The following SP4 variants were observed in gnomAD, a reference collection of about 807,000 sequenced individuals.
The protein encoded by SP4 is transcription factor Sp4.
Under a neutral mutation model 72.8 loss-of-function variants are expected in SP4, and 19 were observed. That is an observed-to-expected ratio of 0.26 (90% CI 0.18 to 0.38). The LOEUF (loss-of-function observed/expected upper bound fraction) is 0.38. Ranked by LOEUF, SP4 falls within the 10% of genes least tolerant of loss-of-function variation. The pLI is 1.00. For synonymous variants in SP4, 395 were observed against 333.1 expected (o/e 1.19, Z -2.02); for missense variants, 1,008 against 926.3 (o/e 1.09, Z -1.14).
intron 3 of SP4, among the ~76,000 whole-genome samples, chr7:21,471,711 G>C (rs541736826): frequency 3.3e-5 from 5 of 152,184 alleles, no homozygotes; most frequent in African/African-American, 7.2e-5. Flanking sequence ...GCATGCATCT[G>C]TAGTCCCAAC....
At chr7:21,504,551 T>A (rs1781947262) in intron 5 of SP4, among the ~76,000 whole-genome samples, 1 of 152,156 alleles carries the variant, frequency 6.6e-6, no homozygotes, top group Non-Finnish European at 1.5e-5. Context: ...TAGTGGAGCT[T>A]CCCTAAGGTT....
In SP4 at chr7:21,430,142, C is replaced by A; in HGVS notation, c.977C>A (p.Thr326Asn). 6.2e-7 allele frequency: 1 copy of A among 1,614,222 alleles called. No individual in the cohort carries two copies. Among genetic ancestry groups the A allele is most frequent in the South Asian group, 1.1e-5 (1 of 91,088 alleles). Reference protein sequence around the residue: ...ESPSSSTTCTTTASTSLTSSD... With the variant: ...ESPSSSTTCTNTASTSLTSSD... The stretch of plus-strand genomic sequence containing the variant: ...CCCTCCTCCTCCACTACCTGCACAA[C>A]CACTGCTTCAACGTCTTTGACAAGC... Residue 326 changes from threonine (T) to asparagine (N), a missense_variant, in exon 3 of 6, where the codon ACC becomes AAC. This residue lies in a region of SP4 where 893 missense variants were observed against 743.3 expected (regional missense o/e 1.20). Transcript: ENST00000222584.
intron 3 of SP4, among the ~76,000 whole-genome samples, chr7:21,431,283 C>CT (rs1374299457): frequency 1.3e-5 from 2 of 151,884 alleles, no homozygotes; most frequent in Non-Finnish European, 2.9e-5. Flanking sequence ...ATAAGGCTAA[C>CT]TTTTTTTTAG....
chr7:21,499,916 A>T (rs1562627765), intron 5 of SP4, among the ~76,000 whole-genome samples: 1 of 152,200 alleles, frequency 6.6e-6, no homozygotes, highest in African/African-American at 2.4e-5. Flanking sequence ...TGCTTCAGAT[A>T]CAGAAAGCTT....
chr7:21,430,297 C>T lies in SP4; in HGVS notation c.1132C>T (p.Leu378Phe), dbSNP rs563979214. ...GTCTGAAGCCCAGAGCTCCAGTCAG[C>T]TTCAGCCTAATGGAATGCAGAATGC... is the stretch of plus-strand genomic sequence containing the variant. ...TESEAQSSSQ[L>F]QPNGMQNAQD... The change falls in exon 3 of 6, where the codon CTT (leucine) becomes TTT (phenylalanine). Residue 378 changes from leucine (L) to phenylalanine (F), a missense_variant. By Grantham distance (22) the Leu-to-Phe change is conservative. Around this residue, in one of 3 missense-constraint regions of SP4, gnomAD observed 893 missense variants for 743.3 expected, o/e 1.20. Coordinates refer to ENST00000222584, the MANE Select transcript of SP4 (RefSeq NM_003112.5). 18 of 1,614,130 alleles carry T rather than the reference C, an allele frequency of 1.1e-5. No homozygotes were observed. The highest frequency in any genetic ancestry group is 1.6e-4 in the Middle Eastern group (1 of 6,084).
chr7:21,432,036 TC>T (rs1782875738), intron 3 of SP4, among the ~76,000 whole-genome samples: 2 of 152,238 alleles, frequency 1.3e-5, no homozygotes, highest in African/African-American at 2.4e-5. Flanking sequence ...GCCAGCGCTA[TC>T]CAGCAGAACT....
At chr7:21,439,202 G>C (rs1783150689) in intron 3 of SP4, among the ~76,000 whole-genome samples, 1 of 152,134 alleles carries the variant, frequency 6.6e-6, no homozygotes, top group Non-Finnish European at 1.5e-5. Context: ...TTTTTCTTGA[G>C]TGGAAATTAG....
rs1440578191 is a variant in SP4 at position 21,513,941 on chromosome 7, T to G, written c.*2672T>G. 2 of 152,574 alleles carry G rather than the reference T, an allele frequency of 1.3e-5. No homozygotes were observed. Among genetic ancestry groups the G allele is most frequent in the African/African-American group, 2.4e-5 (1 of 41,454 alleles). The allele number at this position is 152,574 out of a possible 1,614,324, so 9.5% of individuals were successfully genotyped here. ...AATCGTAAATTTCAGTGTCCTTTAT[T>G]TGACTCAGTGGGATATAGCTGTTAT... On this transcript the variant is annotated 3_prime_UTR_variant, in exon 6 of 6. Transcript: ENST00000222584.
At chr7:21,443,135 TA>T (rs1562590353) in intron 3 of SP4, among the ~76,000 whole-genome samples, 2 of 152,226 alleles carry the variant, frequency 1.3e-5, no homozygotes, top group African/African-American at 4.8e-5. Context: ...GTCTGTGTTA[TA>T]TATGTAAGTA....
chr7:21,452,711 G>A (rs1783636611), intron 3 of SP4, among the ~76,000 whole-genome samples: 1 of 151,916 alleles, frequency 6.6e-6, no homozygotes, highest in Non-Finnish European at 1.5e-5. Flanking sequence ...CTCACAAGTA[G>A]TTTCCAAATT....
At chr7:21,475,626 G>A (rs1481856237) in intron 3 of SP4, among the ~76,000 whole-genome samples, 4 of 151,908 alleles carry the variant, frequency 2.6e-5, no homozygotes, top group Non-Finnish European at 2.9e-5. Flanking sequence ...ACCACGCCCG[G>A]CTAATTTTTT....
intron 3 of SP4, among the ~76,000 whole-genome samples, chr7:21,462,133 C>T (rs936719093): frequency 2.6e-5 from 4 of 151,656 alleles, no homozygotes; most frequent in South Asian, 4.2e-4. Flanking sequence ...TGAAGCAATC[C>T]GCCCACCTCA....
intron 5 of SP4, 71 bp from the exon 6 acceptor site, chr7:21,510,951 G>A (rs2128418043): frequency 7.1e-7 from 1 of 1,410,932 alleles, no homozygotes; most frequent in East Asian, 2.3e-5. Flanking sequence ...TGACCAGAAG[G>A]GAGATTATTA....
At chr7:21,496,571 TTGTC>T (rs1474428505) in intron 5 of SP4, among the ~76,000 whole-genome samples, 10 of 152,334 alleles carry the variant, frequency 6.6e-5, no homozygotes, top group Admixed American at 3.3e-4. Flanking sequence ...GATTTTCTCT[TTGTC>T]TTTGTCTTTC....
chr7:21,494,644 C>G (rs1342181771), intron 5 of SP4, among the ~76,000 whole-genome samples: 1 of 152,146 alleles, frequency 6.6e-6, no homozygotes, highest in Non-Finnish European at 1.5e-5. Flanking sequence ...TACATTAATG[C>G]AGAGATACAC....
At chr7:21,469,820 G>A (rs892766425) in intron 3 of SP4, among the ~76,000 whole-genome samples, 4 of 151,822 alleles carry the variant, frequency 2.6e-5, no homozygotes, top group Non-Finnish European at 4.4e-5. Context: ...CCAAAGTGCT[G>A]CAATTACAGT....
intron 3 of SP4, among the ~76,000 whole-genome samples, chr7:21,461,871 G>A (rs1412500348): frequency 6.6e-6 from 1 of 152,216 alleles, no homozygotes; most frequent in Non-Finnish European, 1.5e-5. Context: ...AGACTTTGAG[G>A]AGAATGTTAG....
chr7:21,449,500 CTT>C (rs1783525115), intron 3 of SP4, among the ~76,000 whole-genome samples: 1 of 151,928 alleles, frequency 6.6e-6, no homozygotes, highest in Non-Finnish European at 1.5e-5. Context: ...TTGGAAGTAA[CTT>C]GAAGAGATTC....
Position 21,428,226 on chromosome 7 carries a change from C to A in SP4, c.-26C>A. On this transcript the variant is annotated 5_prime_UTR_variant, in exon 1 of 6. It adds an upstream start codon to the 5' untranslated region. Transcript: ENST00000222584. ...CCCACCTCTATCCCAGTGTCTCCGTCTGAGGGTTTGTCCTGTTAATGCGGG... is the reference window on the plus strand; with the variant it reads ...CCCACCTCTATCCCAGTGTCTCCGTATGAGGGTTTGTCCTGTTAATGCGGG... 8.0e-7 allele frequency: 1 copy of A among 1,248,966 alleles called. No homozygotes were observed. The highest frequency in any genetic ancestry group is 1.1e-6 in the Non-Finnish European group (1 of 920,470). 77.4% of individuals were successfully genotyped at this position (1,248,966 alleles called of 1,614,324 possible).
Sources: gnomAD v4.1 joint callset for allele counts (sites outside exome capture counted in the v4.1 genomes callset) on GRCh38, gnomAD v4.1.1 for gene constraint, gnomAD v4.1.1 regional missense constraint, MANE v1.5 for transcripts, NCBI Gene and HGNC (gene_info 2026-07-23, HGNC 2026-07-21) for gene names.